SIK3: variants seen among roughly 807,000 people sequenced by gnomAD.
The protein encoded by SIK3 is serine/threonine-protein kinase SIK3.
A neutral mutation model predicts 144.2 loss-of-function variants in SIK3; 28 were observed. The observed-to-expected ratio is 0.19, with a 90% CI of 0.14 to 0.27. The LOEUF (loss-of-function observed/expected upper bound fraction) is 0.27. Ranked by LOEUF, SIK3 falls within the 10% of genes least tolerant of loss-of-function variation. The probability of loss-of-function intolerance (pLI) is 1.00; values close to 1 mark genes in which losing one functional copy is unlikely to be tolerated. For missense variants in SIK3, 1,319 were observed against 1,776.0 expected, an observed-to-expected ratio of 0.74 and a Z score of 4.62; for synonymous variants, 686 against 676.3, an observed-to-expected ratio of 1.01 and a Z score of -0.22.
At chr11:116,914,206 ATTTT>A (rs34155083) in intron 4 of SIK3, among the ~76,000 whole-genome samples, 45 of 133,972 alleles carry the variant, frequency 3.4e-4, no homozygotes, top group African/African-American at 1.2e-3. Context: ...CCCCTTCTCA[ATTTT>A]TTTTTTTTTT....
chr11:116,902,601 A>G (rs1945796926), intron 4 of SIK3, among the ~76,000 whole-genome samples: 1 of 152,218 alleles, frequency 6.6e-6, no homozygotes, highest in Non-Finnish European at 1.5e-5. Flanking sequence ...GCTAGACCCA[A>G]TAACCAAATG....
chr11:116,886,440 T>A (rs1944823271), intron 6 of SIK3, among the ~76,000 whole-genome samples: 2 of 152,322 alleles, frequency 1.3e-5, no homozygotes, highest in South Asian at 4.1e-4. Context: ...AGGGCAGAGT[T>A]GTTTGCCTCT....
At chr11:116,941,408 T>TAAAAAAAAAAAAA (rs11339061) in intron 3 of SIK3, among the ~76,000 whole-genome samples, 1 of 142,742 alleles carries the variant, frequency 7.0e-6, no homozygotes. Flanking sequence ...TAAAAACATG[T>TAAAAAAAAAAAAA]AAAAAAAAAA....
chr11:116,852,458 T>C (rs1314027652), intron 21 of SIK3, among the ~76,000 whole-genome samples: 1 of 152,188 alleles, frequency 6.6e-6, no homozygotes, highest in Non-Finnish European at 1.5e-5. Flanking sequence ...GCACAAGTTC[T>C]GGGGTCAGGA....
chr11:117,031,843 G>C (rs1241356812), intron 1 of SIK3, among the ~76,000 whole-genome samples: 1 of 151,792 alleles, frequency 6.6e-6, no homozygotes, highest in Non-Finnish European at 1.5e-5. Flanking sequence ...CACCAGGCCA[G>C]CATTTATTTT....
intron 1 of SIK3, among the ~76,000 whole-genome samples, chr11:116,962,113 C>T (rs1310820949): frequency 6.6e-6 from 1 of 152,136 alleles, no homozygotes; most frequent in Non-Finnish European, 1.5e-5. Context: ...TATTCTGACA[C>T]CATATTTGTA....
At chr11:116,885,510 G>T (rs1168576012) in intron 6 of SIK3, among the ~76,000 whole-genome samples, 1 of 152,050 alleles carries the variant, frequency 6.6e-6, no homozygotes, top group Non-Finnish European at 1.5e-5. Flanking sequence ...AAAGATCCTG[G>T]CTTGCTATAC....
intron 1 of SIK3, among the ~76,000 whole-genome samples, chr11:117,075,085 G>A (rs1383388760): frequency 1.3e-5 from 2 of 152,066 alleles, no homozygotes; most frequent in Admixed American, 1.3e-4. Flanking sequence ...TGTGTTAAAA[G>A]AGGAAATAAG....
At chr11:116,861,671 A>C (rs1943337969) in intron 18 of SIK3, among the ~76,000 whole-genome samples, 170 bp downstream of exon 18, 1 of 152,352 alleles carries the variant, frequency 6.6e-6, no homozygotes, top group African/African-American at 2.4e-5. Flanking sequence ...GAAGTGGCAC[A>C]GGAAGTTGGG....
chr11:116,979,302 C>A (rs972673995), intron 1 of SIK3, among the ~76,000 whole-genome samples: 2 of 152,060 alleles, frequency 1.3e-5, no homozygotes, highest in Non-Finnish European at 2.9e-5. Flanking sequence ...TGTTTCTACT[C>A]CTGTAAAATT....
At chr11:117,006,632 T>TG (rs1951057265) in intron 1 of SIK3, among the ~76,000 whole-genome samples, 1 of 151,500 alleles carries the variant, frequency 6.6e-6, no homozygotes, top group Admixed American at 6.6e-5. Flanking sequence ...ACCCTATCTC[T>TG]GTGTTTAAAA....
In SIK3 at chr11:116,852,870, T is replaced by C. The variant is rs1214972012; in HGVS notation, c.3656-3587A>G. Among the ~76,000 whole-genome samples the C allele has an allele frequency of 5.3e-5, 8 of 152,160 alleles. No individual in the cohort carries two copies. The East Asian group carries it at 9.6e-4, about 18-fold the overall frequency. On this transcript the variant is annotated intron_variant, in intron 21 of 24. Transcript: ENST00000445177. ...AAAGCCAGATGAAAAAGAGTATTAA[T>C]AGGAGTCAGGGGATACCCCAGGGCT...
intron 1 of SIK3, among the ~76,000 whole-genome samples, chr11:117,097,644 G>A (rs1955536852): frequency 6.6e-6 from 1 of 152,070 alleles, no homozygotes; most frequent in African/African-American, 2.4e-5. Flanking sequence ...CCAGCGCCCT[G>A]CAGACGTGCA....
At chr11:116,913,363 A>G (rs1565443991) in intron 4 of SIK3, among the ~76,000 whole-genome samples, 1 of 152,190 alleles carries the variant, frequency 6.6e-6, no homozygotes, top group African/African-American at 2.4e-5. Context: ...TGGCATTTCC[A>G]ATGAGTGACT....
chr11:116,962,541 T>C (rs1434066293), intron 1 of SIK3, among the ~76,000 whole-genome samples: 2 of 152,224 alleles, frequency 1.3e-5, no homozygotes, highest in Admixed American at 6.5e-5. Flanking sequence ...CATTTTGTCA[T>C]TGTAAGCTTT....
intron 4 of SIK3, among the ~76,000 whole-genome samples, chr11:116,920,828 A>C (rs1216551640): frequency 6.6e-6 from 1 of 152,248 alleles, no homozygotes; most frequent in African/African-American, 2.4e-5. Context: ...ACATGGTTAC[A>C]GTCCTTGTGG....
chr11:116,905,857 C>G (rs1946003285), intron 4 of SIK3, among the ~76,000 whole-genome samples: 1 of 152,212 alleles, frequency 6.6e-6, no homozygotes, highest in Non-Finnish European at 1.5e-5. Flanking sequence ...ATTCTGGATA[C>G]AAATCTCTTA....
rs1309607289 is a variant in SIK3, at chr11:117,094,514, A to G, written c.273+3629T>C. 4.6e-5 allele frequency among the ~76,000 whole-genome samples: 7 copies of G among 152,172 alleles called. No individual in the cohort carries two copies. In the East Asian group the frequency reaches 1.3e-3, roughly 29 times the overall value. On this transcript the variant is annotated intron_variant, in intron 1 of 24. Transcript: ENST00000445177. ...TCCCAGCTACTTAGGAAGCTGAGGC[A>G]GGAGGATCTCTTGAGCCTGGGAGTT...
intron 4 of SIK3, among the ~76,000 whole-genome samples, chr11:116,919,804 A>G (rs942912753): frequency 6.6e-6 from 1 of 152,204 alleles, no homozygotes; most frequent in African/African-American, 2.4e-5. Flanking sequence ...TTCTAAACAT[A>G]TCTTTCAAAA....
Sources: gnomAD v4.1 joint callset for allele counts (sites outside exome capture counted in the v4.1 genomes callset) on GRCh38, gnomAD v4.1.1 for gene constraint, MANE v1.5 for transcripts, NCBI Gene and HGNC (gene_info 2026-07-23, HGNC 2026-07-21) for gene names.